Variants in MEIKIN observed in about 807,000 individuals in gnomAD.
MEIKIN encodes meiotic kinetochore factor.
intron 4 of MEIKIN, among the ~76,000 whole-genome samples, chr5:131,938,579 T>C (rs921051985): frequency 6.6e-6 from 1 of 152,240 alleles, no homozygotes; most frequent in African/African-American, 2.4e-5. Flanking sequence ...TTTGTTCAAC[T>C]TTTTGGAATA....
At chr5:131,916,017 C>G (rs994560640) in intron 7 of MEIKIN, among the ~76,000 whole-genome samples, 1 of 152,128 alleles carries the variant, frequency 6.6e-6, no homozygotes, top group Non-Finnish European at 1.5e-5. Flanking sequence ...ACCCCGTCTC[C>G]ATTAGCTACT....
At chr5:131,924,170 A>C (rs532799165) in intron 5 of MEIKIN, among the ~76,000 whole-genome samples, 2 of 152,290 alleles carry the variant, frequency 1.3e-5, no homozygotes, top group South Asian at 4.1e-4. Flanking sequence ...TTCTTTCTTA[A>C]GACTGAATAA....
At chr5:131,821,211 T>C (rs1749490298) in intron 11 of MEIKIN, among the ~76,000 whole-genome samples, 1 of 152,206 alleles carries the variant, frequency 6.6e-6, no homozygotes, top group African/African-American at 2.4e-5. Flanking sequence ...CATTATTATT[T>C]GTTTCAATAA....
intron 12 of MEIKIN, among the ~76,000 whole-genome samples, chr5:131,813,686 C>T (rs945132582): frequency 6.6e-6 from 1 of 152,130 alleles, no homozygotes; most frequent in African/African-American, 2.4e-5. Context: ...CTCAGCCTCC[C>T]GAAGTACTGG....
chr5:131,868,717 CAA>C (rs56823877), intron 9 of MEIKIN, among the ~76,000 whole-genome samples: 90 of 74,944 alleles, frequency 1.2e-3, no homozygotes, highest in African/African-American at 3.3e-3. Flanking sequence ...TCTGTCTCTA[CAA>C]AAAAAAAAAA....
intron 9 of MEIKIN, among the ~76,000 whole-genome samples, chr5:131,873,148 A>G (rs545798098): frequency 6.6e-6 from 1 of 152,338 alleles, no homozygotes; most frequent in South Asian, 2.1e-4. Flanking sequence ...ACATATAACA[A>G]TATTAACTTT....
In MEIKIN at chr5:131,862,637, G is replaced by A. The variant is rs62385616; in HGVS notation, c.775-7803C>T. The stretch of plus-strand genomic sequence containing the variant: ...TTTATTGCTATAAAGTTCCCTCTAA[G>A]CACTGCTTTTATGATATTCCATACG... On this transcript the variant is annotated intron_variant, in intron 9 of 12. Coordinates refer to ENST00000442687, the MANE Select transcript of MEIKIN (RefSeq NM_001303622.2). Among the ~76,000 whole-genome samples the A allele has an allele frequency of 3.3e-3, 498 of 152,052 alleles. 1 individual carries two copies. The highest frequency in any genetic ancestry group is 5.3e-3 in the Non-Finnish European group (360 of 67,974).
chr5:131,911,795 T>C lies in MEIKIN; in HGVS notation c.703+20A>G. On this transcript the variant is annotated intron_variant, in intron 8 of 12. Transcript: ENST00000442687. ...ATATTACAATTACTACATAAAATAATTAGTTTCATTATTTGTTACCTGATT... is the reference window on the plus strand; with the variant it reads ...ATATTACAATTACTACATAAAATAACTAGTTTCATTATTTGTTACCTGATT... 2.5e-6 allele frequency: 1 copy of C among 397,242 alleles called. No individual in the cohort carries two copies. Among genetic ancestry groups the C allele is most frequent in the African/African-American group, 2.1e-5 (1 of 48,668 alleles). 24.6% of individuals were successfully genotyped at this position (397,242 alleles called of 1,614,324 possible).
At chr5:131,945,124 C>G (rs1002532880) in intron 2 of MEIKIN, 32 bp downstream of exon 2, 1 of 398,998 alleles carries the variant, frequency 2.5e-6, no homozygotes, top group Non-Finnish European at 4.4e-6. Flanking sequence ...AGGTGGCAAG[C>G]TAGGATCGGG....
At chr5:131,885,393 G>A (rs917959786) in intron 8 of MEIKIN, among the ~76,000 whole-genome samples, 100 of 112,534 alleles carry the variant, frequency 8.9e-4, no homozygotes, top group East Asian at 3.9e-3. Flanking sequence ...GAGAGAGAGA[G>A]AGAGAGAGAG....
chr5:131,929,641 G>A (rs1751648933), intron 5 of MEIKIN, among the ~76,000 whole-genome samples: 1 of 152,110 alleles, frequency 6.6e-6, no homozygotes, highest in African/African-American at 2.4e-5. Context: ...CCCAGATAGT[G>A]AGCATAGTAT....
intron 4 of MEIKIN, among the ~76,000 whole-genome samples, chr5:131,934,814 T>G (rs1166903356): frequency 6.6e-6 from 1 of 152,112 alleles, no homozygotes; most frequent in Non-Finnish European, 1.5e-5. Flanking sequence ...TCCCAGCACT[T>G]TGGGAGACCG....
chr5:131,897,685 T>C (rs951964043), intron 8 of MEIKIN, among the ~76,000 whole-genome samples: 10 of 152,208 alleles, frequency 6.6e-5, no homozygotes, highest in Admixed American at 1.3e-4. Context: ...AAATCGGCTA[T>C]TGAAGCTCGT....
chr5:131,902,286 A>C (rs895142342), intron 8 of MEIKIN, among the ~76,000 whole-genome samples: 1 of 152,120 alleles, frequency 6.6e-6, no homozygotes, highest in Admixed American at 6.5e-5. Context: ...ACAAAAAATT[A>C]GCTGGGTATG....
chr5:131,907,184 G>GA (rs1425768065), intron 8 of MEIKIN, among the ~76,000 whole-genome samples: 1 of 151,946 alleles, frequency 6.6e-6, no homozygotes, highest in Non-Finnish European at 1.5e-5. Context: ...AGGCTACAGT[G>GA]AAAGCAGTAC....
intron 5 of MEIKIN, among the ~76,000 whole-genome samples, chr5:131,925,037 A>G (rs1751565510): frequency 6.6e-6 from 1 of 152,124 alleles, no homozygotes; most frequent in South Asian, 2.1e-4. Context: ...TTGTATGTGG[A>G]TATTCAGTTT....
chr5:131,819,469 A>AG (rs1232925636), intron 11 of MEIKIN, among the ~76,000 whole-genome samples: 1 of 12,950 alleles, frequency 7.7e-5, no homozygotes, highest in Non-Finnish European at 1.5e-4. Context: ...AGGGAGGGGG[A>AG]GGGGGGAAAG....
At chr5:131,884,918 G>A (rs1229663951) in intron 8 of MEIKIN, among the ~76,000 whole-genome samples, 4 of 152,028 alleles carry the variant, frequency 2.6e-5, no homozygotes, top group Admixed American at 1.3e-4. Context: ...TGTGGTGGCC[G>A]TGGCCGCAGG....
At chr5:131,944,640 A>G in intron 3 of MEIKIN, 25 bp downstream of exon 3, 2 of 399,086 alleles carry the variant, frequency 5.0e-6, no homozygotes, top group Non-Finnish European at 8.8e-6. Flanking sequence ...AGTGTGTCCA[A>G]GGACTAAAAG....
Sources: allele counts gnomAD v4.1 joint callset (sites outside exome capture counted in the v4.1 genomes callset), GRCh38; gene constraint gnomAD v4.1.1; transcripts MANE v1.5; gene names NCBI Gene and HGNC (gene_info 2026-07-23, HGNC 2026-07-21).